LNX1: variants seen among roughly 807,000 people sequenced by gnomAD.
The protein encoded by LNX1 is ligand of numb-protein X 1, also known as E3 ubiquitin-protein ligase LNX.
In LNX1, 54 loss-of-function variants were observed where a neutral mutation model predicts 68.4. That is an observed-to-expected ratio of 0.79 (90% CI 0.63 to 0.99). The LOEUF is 0.99. Among genes scored for constraint, LNX1 ranks in the 50% least tolerant of loss-of-function variants. The pLI is 0.00. For missense variants in LNX1, 906 were observed against 926.4 expected (o/e 0.98, Z 0.29); for synonymous variants, 336 against 350.0 (o/e 0.96, Z 0.45).
rs1731348243 is a variant in LNX1 at position 53,574,212 on chromosome 4, G to A, written c.-86-124C>T. 3.9e-6 allele frequency: 3 copies of A among 772,296 alleles called. No individual in the cohort carries two copies. The South Asian group carries it at 6.0e-5, about 15-fold the overall frequency. 47.8% of individuals were successfully genotyped at this position (772,296 alleles called of 1,614,324 possible). A position where few individuals can be genotyped will look rare whatever the true frequency, so the allele number is the denominator to read the frequency against. ...AGCTACGATTCAGAAAGCCAGGGTT[G>A]AGGGTCCACTCTGGAGTGACTGACA... On this transcript the variant is annotated intron_variant, in intron 1 of 10. Coordinates refer to ENST00000263925, the MANE Select transcript of LNX1 (RefSeq NM_001126328.3).
chr4:53,635,623 G>A (rs1734442078), intron 1 of LNX1, among the ~76,000 whole-genome samples: 1 of 152,092 alleles, frequency 6.6e-6, no homozygotes, highest in Non-Finnish European at 1.5e-5. Flanking sequence ...GGAAGTAAGG[G>A]TATGATTTGA....
In LNX1 at chr4:53,460,757, G is replaced by C. The variant is rs115931379; in HGVS notation, c.*150C>G. ...TTTTTGGAATCATATTTTCTGAGGTGTAACTGGCTTTCATTAGATGATCAT... is the reference window on the plus strand; with the variant it reads ...TTTTTGGAATCATATTTTCTGAGGTCTAACTGGCTTTCATTAGATGATCAT... On this transcript the variant is annotated 3_prime_UTR_variant, in exon 11 of 11. Coordinates refer to ENST00000263925, the MANE Select transcript of LNX1 (RefSeq NM_001126328.3). 1,743 of 766,910 alleles carry C rather than the reference G, an allele frequency of 2.3e-3. 22 individuals carry two copies. In the African/African-American group the frequency reaches 0.028, roughly 12 times the overall value. The allele number at this position is 766,910 out of a possible 1,614,324, so 47.5% of individuals were successfully genotyped here. A position where few individuals can be genotyped will look rare whatever the true frequency, so the allele number is the denominator to read the frequency against.
chr4:53,468,732 A>G (rs1446048247), intron 9 of LNX1, among the ~76,000 whole-genome samples: 1 of 152,246 alleles, frequency 6.6e-6, no homozygotes, highest in Non-Finnish European at 1.5e-5. Context: ...AAAGATCAAA[A>G]GAGACAAAGA....
intron 8 of LNX1, among the ~76,000 whole-genome samples, chr4:53,477,247 A>G (rs1377883603): frequency 1.3e-5 from 2 of 152,206 alleles, no homozygotes; most frequent in African/African-American, 2.4e-5. Flanking sequence ...GAAGGAAGGG[A>G]GTGAGAGAGG....
intron 9 of LNX1, among the ~76,000 whole-genome samples, chr4:53,466,664 TAACA>T (rs1722707194): frequency 6.6e-6 from 1 of 152,198 alleles, no homozygotes; most frequent in Admixed American, 6.5e-5. Context: ...CCAATGGGCT[TAACA>T]AACAGCACAC....
chr4:53,480,696 T>TATAA (rs1723853681), intron 7 of LNX1, among the ~76,000 whole-genome samples: 1 of 152,162 alleles, frequency 6.6e-6, no homozygotes, highest in Non-Finnish European at 1.5e-5. Flanking sequence ...TGGAGGGGTG[T>TATAA]ATAACCTTGT....
intron 7 of LNX1, among the ~76,000 whole-genome samples, chr4:53,481,395 A>G (rs1375552034): frequency 3.3e-5 from 5 of 152,216 alleles, no homozygotes; most frequent in Non-Finnish European, 7.3e-5. Context: ...CTTCATTTCA[A>G]AGTGAATAAA....
At chr4:53,645,814 T>C (rs866204033) in intron 1 of LNX1, among the ~76,000 whole-genome samples, 1 of 152,202 alleles carries the variant, frequency 6.6e-6, no homozygotes, top group Non-Finnish European at 1.5e-5. Flanking sequence ...TCAATAAAGA[T>C]GTTTTGAATG....
rs890777216 is a variant in LNX1 at position 53,460,566 on chromosome 4, A to C, written c.*341T>G. 25 of 229,050 alleles carry C rather than the reference A, an allele frequency of 1.1e-4. No individual in the cohort carries two copies. The highest frequency in any genetic ancestry group is 5.2e-4 in the Admixed American group (9 of 17,470). 14.2% of individuals were successfully genotyped at this position (229,050 alleles called of 1,614,324 possible). A position where few individuals can be genotyped will look rare whatever the true frequency, so the allele number is the denominator to read the frequency against. On this transcript the variant is annotated 3_prime_UTR_variant, in exon 11 of 11. Transcript: ENST00000263925. Reference sequence around the variant, plus strand: ...AAAATGGCCATAATGTACCCTTGGCAGACTTCAGCATATACCAAATTTTAA... The same window carrying C: ...AAAATGGCCATAATGTACCCTTGGCCGACTTCAGCATATACCAAATTTTAA...
At chr4:53,502,894 A>T (rs76163141) in intron 4 of LNX1, among the ~76,000 whole-genome samples, 1 of 151,532 alleles carries the variant, frequency 6.6e-6, no homozygotes, top group Non-Finnish European at 1.5e-5. Flanking sequence ...CTCTACACTC[A>T]TTCAAGTTTT....
Position 53,481,761 on chromosome 4 carries a change from T to G in LNX1, c.1444A>C (p.Ser482Arg). 1 of 1,613,928 alleles carries G rather than the reference T, an allele frequency of 6.2e-7. No individual in the cohort carries two copies. Among genetic ancestry groups the G allele is most frequent in the Non-Finnish European group, 8.5e-7 (1 of 1,179,858 alleles). ...FQEAGWNSNG[S>R]WSPGPGERSN... is the part of the protein sequence containing the mutation. ...CTCTCCCCTGGCCCTGGGGACCAGC[T>G]GCCATTGCTGTTCCAGCCGGCTTCC... The change falls in exon 7 of 11, where the codon AGC becomes CGC. Residue 482 changes from serine (S) to arginine (R), a missense_variant. Transcript: ENST00000263925.
chr4:53,652,222 G>A (rs1161241407), exon 1 of LNX1: 2 of 152,204 alleles, frequency 1.3e-5, no homozygotes, highest in African/African-American at 2.4e-5. Flanking sequence ...GAGATAGTCC[G>A]TTTGAGAGCT....
intron 2 of LNX1, chr4:53,557,981 C>T (rs1188854158): frequency 1.9e-6 from 3 of 1,613,452 alleles, no homozygotes; most frequent in Admixed American, 1.7e-5. Context: ...GAGCAGTGTG[C>T]TGCCTTCTCC....
chr4:53,559,760 G>A (rs1311595473), intron 2 of LNX1, among the ~76,000 whole-genome samples: 1 of 151,242 alleles, frequency 6.6e-6, no homozygotes, highest in Non-Finnish European at 1.5e-5. Context: ...CAATCCTCCT[G>A]CCTCAGCCTC....
intron 1 of LNX1, among the ~76,000 whole-genome samples, chr4:53,578,485 G>T (rs937800653): frequency 5.9e-5 from 9 of 152,106 alleles, no homozygotes; most frequent in Non-Finnish European, 1.2e-4. Flanking sequence ...ACATAGAAAA[G>T]GTACAGTAAA....
intron 1 of LNX1, among the ~76,000 whole-genome samples, chr4:53,634,489 C>T (rs1734392982): frequency 6.6e-6 from 1 of 152,080 alleles, no homozygotes; most frequent in Admixed American, 6.6e-5. Context: ...GGCAATCTGC[C>T]CACCTCAGCC....
intron 2 of LNX1, among the ~76,000 whole-genome samples, chr4:53,531,740 G>A (rs945173111): frequency 2.6e-5 from 4 of 152,254 alleles, no homozygotes; most frequent in Admixed American, 2.0e-4. Flanking sequence ...CCAAGCTGCT[G>A]GTAAGCCACA....
chr4:53,639,378 C>T (rs191099079), intron 1 of LNX1, among the ~76,000 whole-genome samples: 1 of 152,172 alleles, frequency 6.6e-6, no homozygotes, highest in East Asian at 1.9e-4. Context: ...CTATTGGGTG[C>T]TATGCTCAGT....
chr4:53,538,259 C>A (rs1728512612), intron 2 of LNX1, among the ~76,000 whole-genome samples: 1 of 152,228 alleles, frequency 6.6e-6, no homozygotes, highest in Non-Finnish European at 1.5e-5. Context: ...GCACCCCTTT[C>A]CACTGGACTG....
Sources: allele counts gnomAD v4.1 joint callset (sites outside exome capture counted in the v4.1 genomes callset), GRCh38; gene constraint gnomAD v4.1.1; transcripts MANE v1.5; gene names NCBI Gene and HGNC (gene_info 2026-07-23, HGNC 2026-07-21).